The following DMD variants were observed in gnomAD, a reference collection of about 807,000 sequenced individuals.
The protein encoded by DMD is dystrophin, also known as mutant dystrophin.
A neutral mutation model predicts 330.1 loss-of-function variants in DMD; 63 were observed. The ratio of observed to expected loss-of-function variants is 0.19; its 90% confidence interval spans 0.16 to 0.24. DMD has a LOEUF of 0.24. DMD is among the 10% of genes least tolerant of loss of function. DMD has a pLI of 1.00. For missense variants in DMD, 3,344 were observed against 2,684.1 expected (o/e 1.25, Z -5.43); for synonymous variants, 1,223 against 959.8 (o/e 1.27, Z -5.07).
chrX:31,871,733 A>T (rs781706098), intron 48 of DMD, among the ~76,000 whole-genome samples: 5 of 109,724 alleles, frequency 4.6e-5, no homozygotes, highest in Non-Finnish European at 5.7e-5. Flanking sequence ...GTGTTAAAAA[A>T]AAGGGCATGT....
chrX:32,613,241 C>T (rs808514), intron 12 of DMD, among the ~76,000 whole-genome samples: 44,191 of 110,126 alleles, frequency 0.4, 7,991 homozygotes, highest in African/African-American at 0.71. Flanking sequence ...TTATTTGTGT[C>T]TGCTAAATGT....
chrX:32,392,757 C>T (rs1238914739), intron 30 of DMD, among the ~76,000 whole-genome samples: 1 of 112,569 alleles, frequency 8.9e-6, no homozygotes, highest in African/African-American at 3.2e-5. Flanking sequence ...GCAGCTTCCA[C>T]GTCTATCTTT....
chrX:31,815,132 A>G (rs2092586386), intron 50 of DMD, among the ~76,000 whole-genome samples: 1 of 112,209 alleles, frequency 8.9e-6, no homozygotes, highest in African/African-American at 3.2e-5. Flanking sequence ...GGCCAGCATC[A>G]GCATAACCTA....
intron 1 of DMD, among the ~76,000 whole-genome samples, chrX:33,098,648 G>T (rs912987775): frequency 1.8e-5 from 2 of 111,681 alleles, no homozygotes; most frequent in Non-Finnish European, 3.8e-5. Context: ...GTTCCCTGGT[G>T]CTGCAAAGAA....
intron 1 of DMD, among the ~76,000 whole-genome samples, chrX:33,065,864 T>A (rs2094646323): frequency 1.8e-5 from 2 of 111,995 alleles, no homozygotes; most frequent in African/African-American, 6.5e-5. Context: ...GTAAAATTCC[T>A]TAGAATTACA....
At chrX:32,718,532 C>G (rs903559283) in intron 7 of DMD, among the ~76,000 whole-genome samples, 1 of 111,585 alleles carries the variant, frequency 9.0e-6, no homozygotes, top group Non-Finnish European at 1.9e-5. Context: ...AATGTGAGAA[C>G]GGACTAATAC....
At chrX:32,330,352 T>G (rs1442868347) in intron 41 of DMD, among the ~76,000 whole-genome samples, 1 of 112,220 alleles carries the variant, frequency 8.9e-6, no homozygotes, top group Non-Finnish European at 1.9e-5. Context: ...CAATATACAC[T>G]TGAATAGATT....
intron 52 of DMD, among the ~76,000 whole-genome samples, chrX:31,692,156 C>T (rs141480514): frequency 0.079 from 8,724 of 110,978 alleles, 252 homozygotes; most frequent in African/African-American, 0.1. Context: ...CAATATGCTC[C>T]TAAACAATTA....
intron 1 of DMD, among the ~76,000 whole-genome samples, chrX:33,044,158 G>T (rs5927134): frequency 9.0e-6 from 1 of 111,321 alleles, no homozygotes; most frequent in Non-Finnish European, 1.9e-5. Context: ...GAGCCCAGGC[G>T]CAGTGGCTCA....
At chrX:32,666,471 T>C (rs1158521138) in intron 9 of DMD, among the ~76,000 whole-genome samples, 4 of 110,969 alleles carry the variant, frequency 3.6e-5, no homozygotes, top group Non-Finnish European at 7.5e-5. Flanking sequence ...GGTTTTCTGT[T>C]CCTGGGTTAG....
intron 55 of DMD, among the ~76,000 whole-genome samples, chrX:31,540,338 T>C (rs185813409): frequency 8.9e-6 from 1 of 112,282 alleles, no homozygotes; most frequent in Admixed American, 9.4e-5. Flanking sequence ...TCAGGAGTCA[T>C]TATTTTTATT....
At position 32,502,849 on chromosome X, in the gene DMD, G is replaced by A. The variant is rs201310941; in HGVS notation, c.2293-1007C>T. Among the ~76,000 whole-genome samples, 9 of 110,972 alleles carry A rather than the reference G, an allele frequency of 8.1e-5. No homozygotes were observed. In the East Asian group the frequency reaches 2.0e-3, roughly 24 times the overall value. The stretch of plus-strand genomic sequence containing the variant: ...TGGGAGGGCAAATAACAGATACATG[G>A]ACAGTCTGCACCACTGTTGAGTATA... On this transcript the variant is annotated intron_variant, in intron 18 of 78. Transcript: ENST00000357033.
intron 55 of DMD, among the ~76,000 whole-genome samples, chrX:31,548,450 G>GA (rs1369998159): frequency 3.6e-5 from 4 of 110,549 alleles, no homozygotes; most frequent in East Asian, 5.6e-4. Flanking sequence ...TAAAGGAACA[G>GA]AAAAAAAATT....
chrX:32,803,123 T>C (rs1375362838), intron 7 of DMD, among the ~76,000 whole-genome samples: 3 of 111,746 alleles, frequency 2.7e-5, no homozygotes, highest in Non-Finnish European at 5.6e-5. Flanking sequence ...TGTAGGCTAT[T>C]AATTACTGCC....
At chrX:32,882,296 C>CGG (rs201664479) in intron 2 of DMD, among the ~76,000 whole-genome samples, 79 of 111,739 alleles carry the variant, frequency 7.1e-4, no homozygotes, top group African/African-American at 2.4e-3. Context: ...GCCCTAGGAG[C>CGG]GGTAGCTACT....
At chrX:32,529,379 CTTTTTTTTTTTTTTTTTTTTTTTTTTTTT>C (rs777955346) in intron 17 of DMD, among the ~76,000 whole-genome samples, 1 of 31,036 alleles carries the variant, frequency 3.2e-5, no homozygotes, top group Non-Finnish European at 5.4e-5. Context: ...CAAAAATCAA[CTTTTTTTTTTTTTTTTTTTTTTTTTTTTT>C]TTTTTTTTGA....
At chrX:32,579,524 T>C (rs1456500352) in intron 13 of DMD, among the ~76,000 whole-genome samples, 3 of 112,388 alleles carry the variant, frequency 2.7e-5, no homozygotes, top group Non-Finnish European at 5.6e-5. Flanking sequence ...TTATAAAAGA[T>C]ATGCCTTCTA....
intron 7 of DMD, among the ~76,000 whole-genome samples, chrX:32,728,707 G>A (rs1053425114): frequency 8.9e-6 from 1 of 112,201 alleles, no homozygotes; most frequent in Non-Finnish European, 1.9e-5. Context: ...ATAATGCATA[G>A]AAAATAGTAT....
chrX:32,522,389 T>G (rs1040516075), intron 17 of DMD, among the ~76,000 whole-genome samples: 7 of 111,964 alleles, frequency 6.3e-5, no homozygotes, highest in Non-Finnish European at 1.3e-4. Flanking sequence ...TAGATGTACT[T>G]AGATTGGGGG....
Sources: allele counts gnomAD v4.1 joint callset (sites outside exome capture counted in the v4.1 genomes callset), GRCh38; gene constraint gnomAD v4.1.1; transcripts MANE v1.5; gene names NCBI Gene and HGNC (gene_info 2026-07-23, HGNC 2026-07-21).